SPTBN1: variants seen among roughly 807,000 people sequenced by gnomAD.
SPTBN1 encodes the protein spectrin beta chain, non-erythrocytic 1.
In SPTBN1, 32 loss-of-function variants were observed where a neutral mutation model predicts 266.4. The observed-to-expected ratio is 0.12, with a 90% CI of 0.09 to 0.16. The LOEUF (loss-of-function observed/expected upper bound fraction) is 0.16, where lower values mean the gene tolerates loss of function less well. Ranked by LOEUF, SPTBN1 falls within the 10% of genes least tolerant of loss-of-function variation. The pLI is 1.00. For missense variants in SPTBN1, 2,296 were observed against 3,067.1 expected (o/e 0.75, Z 5.94); for synonymous variants, 1,336 against 1,162.2 (o/e 1.15, Z -3.04).
intron 2 of SPTBN1, among the ~76,000 whole-genome samples, chr2:54,597,932 A>G (rs1489984971): frequency 8.1e-6 from 1 of 123,718 alleles, no homozygotes; most frequent in South Asian, 2.5e-4. Flanking sequence ...GGTTTGCACT[A>G]GGAGTAGGTC....
intron 1 of SPTBN1, among the ~76,000 whole-genome samples, chr2:54,510,092 G>A (rs1375474999): frequency 1.3e-5 from 2 of 151,840 alleles, no homozygotes; most frequent in Non-Finnish European, 2.9e-5. Context: ...CCAAGTAGCT[G>A]GGATTACAGG....
chr2:54,457,880 G>A (rs1693152116), intron 1 of SPTBN1, among the ~76,000 whole-genome samples: 1 of 152,254 alleles, frequency 6.6e-6, no homozygotes, highest in East Asian at 1.9e-4. Flanking sequence ...TGCCGGAGGG[G>A]CGCCCTGCAT....
chr2:54,485,076 GGAAA>G (rs1176555419), intron 1 of SPTBN1, among the ~76,000 whole-genome samples: 2 of 149,514 alleles, frequency 1.3e-5, no homozygotes, highest in Admixed American at 6.7e-5. Flanking sequence ...CACAGAATGT[GGAAA>G]GAAAGAAGAC....
intron 33 of SPTBN1, among the ~76,000 whole-genome samples, chr2:54,665,461 G>T (rs1178250755): frequency 6.6e-6 from 1 of 152,174 alleles, no homozygotes; most frequent in African/African-American, 2.4e-5. Flanking sequence ...AGTGCTGATG[G>T]CTCTGGGTCT....
chr2:54,668,329 CTG>C lies in SPTBN1; in HGVS notation c.6877-18_6877-17del, dbSNP rs1681511857. ...ATGCCTACTCTTAGTTGAGTCTCAC[CTG>C]TGTCCCTTCCTCTGTCCAGGAGGAA... On this transcript the variant is annotated intron_variant, in intron 35 of 35. Coordinates refer to ENST00000356805, the MANE Select transcript of SPTBN1 (RefSeq NM_003128.3). 1.2e-6 allele frequency: 2 copies of C among 1,611,898 alleles called. No individual in the cohort carries two copies. Among genetic ancestry groups the C allele is most frequent in the African/African-American group, 2.7e-5 (2 of 74,884 alleles).
At chr2:54,464,039 A>T (rs1430749612) in intron 1 of SPTBN1, among the ~76,000 whole-genome samples, 4 of 152,238 alleles carry the variant, frequency 2.6e-5, no homozygotes, top group African/African-American at 9.6e-5. Context: ...GATAGATATT[A>T]TGCTCTGGGC....
intron 2 of SPTBN1, among the ~76,000 whole-genome samples, chr2:54,547,152 A>G (rs1672293044): frequency 6.6e-6 from 1 of 152,088 alleles, no homozygotes; most frequent in Admixed American, 6.5e-5. Flanking sequence ...CCTGGCAACC[A>G]CCATTCTACT....
Position 54,533,676 on chromosome 2 carries a change from G to A in SPTBN1, c.148+7110G>A, listed in dbSNP as rs1018018469. Reference sequence around the variant, plus strand: ...AGTGATTCTCCTGCCTCAGCTTCCCGAGTAGCTGGGACTACAGGCACCCGC... The same window carrying A: ...AGTGATTCTCCTGCCTCAGCTTCCCAAGTAGCTGGGACTACAGGCACCCGC... On this transcript the variant is annotated intron_variant, in intron 2 of 35. Transcript: ENST00000356805. The surrounding 1 kb of genome is among the most constrained non-coding windows in gnomAD (Gnocchi z 4.2). 3.9e-5 allele frequency among the ~76,000 whole-genome samples: 6 copies of A among 152,094 alleles called. No individual in the cohort carries two copies. In the East Asian group the frequency reaches 5.8e-4, roughly 15 times the overall value.
chr2:54,604,221 G>A (rs938263271), intron 3 of SPTBN1, among the ~76,000 whole-genome samples: 21 of 152,102 alleles, frequency 1.4e-4, no homozygotes, highest in Admixed American at 2.6e-4. Context: ...GAGAAAGAAG[G>A]GGCAGGGAGT....
At chr2:54,530,548 G>A (rs143812813) in intron 2 of SPTBN1, among the ~76,000 whole-genome samples, 3,668 of 151,654 alleles carry the variant, frequency 0.024, 57 homozygotes, top group Non-Finnish European at 0.039. Context: ...TCGTAGAGAC[G>A]GGGTTTCGCC....
Position 54,659,958 on chromosome 2 carries a change from G to A in SPTBN1, c.6379G>A (p.Val2127Ile). Residue 2127 changes from valine to isoleucine, a missense_variant, in exon 32 of 36, where the codon GTT (valine) becomes ATT (isoleucine). Physicochemically the swap from Val to Ile is conservative, Grantham distance 29 (BLOSUM62 3). Around this residue, in one of 12 missense-constraint regions of SPTBN1, gnomAD observed 347 missense variants for 368.5 expected, o/e 0.94. Transcript: ENST00000356805. ...QQWDTSKGEQ[V>I]SQNGLPAEQG... ...CAGGGATACTTCAAAAGGAGAACAA[G>A]TTTCCCAAAACGGTTTGCCAGCTGA... is the stretch of plus-strand genomic sequence containing the variant. The A allele has an allele frequency of 6.2e-7, 1 of 1,614,058 alleles. No homozygotes were observed. Among genetic ancestry groups the A allele is most frequent in the South Asian group, 1.1e-5 (1 of 91,062 alleles).
At chr2:54,495,679 T>TTTTTTTTTTTTTTTTTTTTTTTTTTTTC (rs1279259203) in intron 1 of SPTBN1, among the ~76,000 whole-genome samples, 3 of 142,990 alleles carry the variant, frequency 2.1e-5, no homozygotes, top group Non-Finnish European at 3.1e-5. Flanking sequence ...GCATGTGTTT[T>TTTTTTTTTTTTTTTTTTTTTTTTTTTTC]TACCTTTATT....
In SPTBN1 at chr2:54,628,298, A is replaced by G. The variant is rs1678488019; in HGVS notation, c.1798+48A>G. 10 of 1,551,176 alleles carry G rather than the reference A, an allele frequency of 6.4e-6. No individual in the cohort carries two copies. The highest frequency in any genetic ancestry group is 4.7e-5 in the East Asian group (2 of 42,724). ...ATTACCTCCGGGTCACCAGAGATTC[A>G]TATTTATAGAAACACAGTGGGGCTT... On this transcript the variant is annotated intron_variant, in intron 13 of 35. Transcript: ENST00000356805. The surrounding 1 kb of genome is among the most constrained non-coding windows in gnomAD (Gnocchi z 4.3).
intron 28 of SPTBN1, 66 bp from the exon 29 acceptor site, chr2:54,655,848 A>G (rs985388181): frequency 1.6e-6 from 2 of 1,235,060 alleles, no homozygotes; most frequent in Non-Finnish European, 1.2e-6. Flanking sequence ...CTAGTATAAA[A>G]TGACCCCATC....
intron 1 of SPTBN1, among the ~76,000 whole-genome samples, chr2:54,477,618 A>C (rs950347765): frequency 1.3e-5 from 2 of 152,132 alleles, no homozygotes; most frequent in Non-Finnish European, 2.9e-5. Context: ...CATTACGATT[A>C]AGACTGACTG....
At chr2:54,458,991 G>T (rs530966391) in intron 1 of SPTBN1, among the ~76,000 whole-genome samples, 25 of 152,270 alleles carry the variant, frequency 1.6e-4, no homozygotes, top group African/African-American at 6.0e-4. Context: ...TAAAATATGA[G>T]ACTTTTTGTG....
At chr2:54,636,546 A>G (rs1220324999) in intron 17 of SPTBN1, among the ~76,000 whole-genome samples, 1 of 152,060 alleles carries the variant, frequency 6.6e-6, no homozygotes, top group Non-Finnish European at 1.5e-5. Flanking sequence ...CTACTCTAAG[A>G]TCTTTCTTTC....
At chr2:54,510,116 G>A (rs1054286886) in intron 1 of SPTBN1, among the ~76,000 whole-genome samples, 33 of 151,812 alleles carry the variant, frequency 2.2e-4, no homozygotes, top group Non-Finnish European at 7.4e-5. Context: ...CCACCTCTGC[G>A]CCCGGCTAAT....
intron 1 of SPTBN1, among the ~76,000 whole-genome samples, chr2:54,491,256 C>G (rs1458316337): frequency 6.6e-6 from 1 of 152,302 alleles, no homozygotes; most frequent in South Asian, 2.1e-4. Flanking sequence ...GAGGATTTAC[C>G]TTCTTTTTCA....
Sources: allele counts gnomAD v4.1 joint callset (sites outside exome capture counted in the v4.1 genomes callset), GRCh38; gene constraint gnomAD v4.1.1; regional missense constraint gnomAD v4.1.1; non-coding constraint Gnocchi (gnomAD v3.1); transcripts MANE v1.5; gene names NCBI Gene and HGNC (gene_info 2026-07-23, HGNC 2026-07-21).